The following ATP6V0E1 variants were observed in gnomAD, a reference collection of about 807,000 sequenced individuals.
ATP6V0E1 encodes ATPase H+ transporting V0 subunit e1, also known as V-type proton ATPase subunit e 1.
In ATP6V0E1, 4 loss-of-function variants were observed where a neutral mutation model predicts 11.6. The observed-to-expected ratio is 0.35, with a 90% CI of 0.17 to 0.79. ATP6V0E1 has a LOEUF of 0.79. Ranked by LOEUF, ATP6V0E1 falls within the 30% of genes least tolerant of loss-of-function variation. ATP6V0E1 has a pLI of 0.54. For missense variants in ATP6V0E1, 105 were observed against 100.0 expected (o/e 1.05, Z -0.21); for synonymous variants, 36 against 34.8 (o/e 1.04, Z -0.13).
intron 2 of ATP6V0E1, among the ~76,000 whole-genome samples, chr5:172,998,687 C>A (rs981578630): frequency 6.6e-6 from 1 of 151,630 alleles, no homozygotes; most frequent in African/African-American, 2.4e-5. Context: ...CGATGGTTGA[C>A]CATCAGCCTA....
In ATP6V0E1 at chr5:173,012,959, G is replaced by A. The variant is rs1581631964; in HGVS notation, c.153-7279G>A. On this transcript the variant is annotated intron_variant, in intron 2 of 3. Transcript: ENST00000519374. ...AGGTTGAGGTGGGAGGATCAGTTGA[G>A]CCCAGGAATTCGAGACCAGCTTAGG... 2.6e-5 allele frequency among the ~76,000 whole-genome samples: 4 copies of A among 151,782 alleles called. No individual in the cohort carries two copies. In the East Asian group the frequency reaches 5.9e-4, roughly 22 times the overall value.
intron 3 of ATP6V0E1, among the ~76,000 whole-genome samples, chr5:173,029,423 CATT>C (rs1161438385): frequency 2.6e-5 from 4 of 152,258 alleles, no homozygotes. Flanking sequence ...CATTTGCTCT[CATT>C]ATGTCTCTTG....
At chr5:173,025,472 A>G (rs528653834) in intron 3 of ATP6V0E1, among the ~76,000 whole-genome samples, 1 of 147,764 alleles carries the variant, frequency 6.8e-6, no homozygotes, top group South Asian at 2.2e-4. Flanking sequence ...TAATAACAGT[A>G]ACTTTTATTA....
At chr5:173,031,433 T>G (rs1756650534) in intron 3 of ATP6V0E1, among the ~76,000 whole-genome samples, 1 of 151,414 alleles carries the variant, frequency 6.6e-6, no homozygotes. Flanking sequence ...TTTTTTTTTT[T>G]TTTGAGACGT....
intron 2 of ATP6V0E1, among the ~76,000 whole-genome samples, chr5:173,006,804 G>GT (rs372813705): frequency 6.6e-6 from 1 of 151,764 alleles, no homozygotes. Context: ...GGTTTTGGGG[G>GT]TTTTTTTTGG....
intron 1 of ATP6V0E1, among the ~76,000 whole-genome samples, chr5:172,985,211 C>G (rs1396628128): frequency 6.8e-6 from 1 of 147,448 alleles, no homozygotes; most frequent in African/African-American, 2.5e-5. Flanking sequence ...CGCCACTGCA[C>G]TCCAGCCTGG....
intron 2 of ATP6V0E1, among the ~76,000 whole-genome samples, chr5:173,011,175 CTTTTTTTTTTT>C (rs754605378): frequency 2.0e-4 from 23 of 114,704 alleles, no homozygotes; most frequent in Admixed American, 2.8e-4. Flanking sequence ...CCTGATTTAT[CTTTTTTTTTTT>C]TTTTTTTTTT....
At chr5:173,031,645 C>T (rs1004803260) in intron 3 of ATP6V0E1, among the ~76,000 whole-genome samples, 2 of 151,376 alleles carry the variant, frequency 1.3e-5, no homozygotes, top group African/African-American at 2.4e-5. Context: ...AATGAAACTC[C>T]GTCTCTACTA....
intron 2 of ATP6V0E1, among the ~76,000 whole-genome samples, chr5:172,996,593 A>G (rs1756071263): frequency 6.6e-6 from 1 of 151,970 alleles, no homozygotes; most frequent in Non-Finnish European, 1.5e-5. Context: ...ATACATACAT[A>G]CATACATAAA....
At chr5:173,006,548 C>T (rs1159778654) in intron 2 of ATP6V0E1, among the ~76,000 whole-genome samples, 16 of 152,068 alleles carry the variant, frequency 1.1e-4, no homozygotes, top group South Asian at 2.1e-4. Context: ...AGGCGGAGGT[C>T]GCAGGCAGTG....
intron 2 of ATP6V0E1, among the ~76,000 whole-genome samples, chr5:173,017,529 C>T (rs1250989863): frequency 1.9e-5 from 2 of 106,154 alleles, no homozygotes; most frequent in Non-Finnish European, 3.6e-5. Flanking sequence ...AGTGAGACTT[C>T]GTCTAAAAAA....
chr5:172,994,443 G>C (rs1756031003), intron 1 of ATP6V0E1, among the ~76,000 whole-genome samples: 2 of 152,184 alleles, frequency 1.3e-5, no homozygotes, highest in South Asian at 4.1e-4. Flanking sequence ...TTTCATTACA[G>C]AGAATACTAC....
intron 2 of ATP6V0E1, among the ~76,000 whole-genome samples, chr5:172,997,024 G>T (rs1756077308): frequency 6.7e-6 from 1 of 149,510 alleles, no homozygotes; most frequent in African/African-American, 2.5e-5. Flanking sequence ...TTCAAGAAAA[G>T]CCTATCAGTT....
intron 2 of ATP6V0E1, among the ~76,000 whole-genome samples, chr5:172,999,830 A>G (rs1756124897): frequency 6.6e-6 from 1 of 152,334 alleles, no homozygotes; most frequent in South Asian, 2.1e-4. Context: ...TTTATGGGGA[A>G]ATCAGCTGGA....
rs546190690 is a variant in ATP6V0E1 at position 173,003,273 on chromosome 5, G to A, written c.152+8451G>A. ...TGGGGGAAACTGGGAAGTGAATGAAGGGGCTGTGAGGGGAGTGATTGGGCC... is the reference window on the plus strand; with the variant it reads ...TGGGGGAAACTGGGAAGTGAATGAAAGGGCTGTGAGGGGAGTGATTGGGCC... On this transcript the variant is annotated intron_variant, in intron 2 of 3. Transcript: ENST00000519374. Among the ~76,000 whole-genome samples, 5 of 152,256 alleles carry A rather than the reference G, an allele frequency of 3.3e-5. No individual in the cohort carries two copies. The East Asian group carries it at 9.7e-4, about 29-fold the overall frequency.
At chr5:173,022,259 G>A (rs1756497726) in intron 3 of ATP6V0E1, among the ~76,000 whole-genome samples, 1 of 152,184 alleles carries the variant, frequency 6.6e-6, no homozygotes, top group Non-Finnish European at 1.5e-5. Flanking sequence ...ACTGTAAACT[G>A]TGTATTGCCT....
intron 2 of ATP6V0E1, among the ~76,000 whole-genome samples, chr5:173,005,009 T>G (rs1364078070): frequency 6.6e-6 from 1 of 152,206 alleles, no homozygotes; most frequent in African/African-American, 2.4e-5. Context: ...CATTGATCTC[T>G]TTGTCTGGCC....
intron 2 of ATP6V0E1, among the ~76,000 whole-genome samples, chr5:173,003,839 G>T (rs1413420961): frequency 6.6e-6 from 1 of 152,148 alleles, no homozygotes; most frequent in Non-Finnish European, 1.5e-5. Flanking sequence ...TGTCAAACAG[G>T]AACTTAGCTA....
intron 3 of ATP6V0E1, among the ~76,000 whole-genome samples, chr5:173,024,858 T>TTTTG (rs1280357818): frequency 6.7e-6 from 1 of 150,210 alleles, no homozygotes; most frequent in Non-Finnish European, 1.5e-5. Flanking sequence ...TTTTTTTTTT[T>TTTTG]TTTGAGACAG....
Sources: gnomAD v4.1 joint callset for allele counts (sites outside exome capture counted in the v4.1 genomes callset) on GRCh38, gnomAD v4.1.1 for gene constraint, MANE v1.5 for transcripts, NCBI Gene and HGNC (gene_info 2026-07-23, HGNC 2026-07-21) for gene names.